ITSN2: variants seen among roughly 807,000 people sequenced by gnomAD.
ITSN2 encodes intersectin-2.
ITSN2 carries 156 observed loss-of-function variants against 243.7 expected under a neutral mutation model. The ratio of observed to expected loss-of-function variants is 0.64; its 90% confidence interval spans 0.56 to 0.73. ITSN2 has a LOEUF of 0.73. Ranked by LOEUF, ITSN2 falls within the 30% of genes least tolerant of loss-of-function variation. ITSN2 has a pLI of 0.00. For synonymous variants in ITSN2, 703 were observed against 699.9 expected (o/e 1.00, Z -0.07); for missense variants, 1,801 against 1,996.1 (o/e 0.90, Z 1.86).
chr2:24,343,045 C>G (rs1020032998), intron 1 of ITSN2, among the ~76,000 whole-genome samples: 1 of 149,926 alleles, frequency 6.7e-6, no homozygotes, highest in Non-Finnish European at 1.5e-5. Context: ...GAGTCAAGAT[C>G]GTGCCACTGT....
chr2:24,328,743 G>A (rs1010870945), intron 1 of ITSN2, among the ~76,000 whole-genome samples: 10 of 152,248 alleles, frequency 6.6e-5, no homozygotes, highest in South Asian at 4.1e-4. Context: ...GATTACAGGC[G>A]TTAGCCACTG....
In ITSN2 at chr2:24,205,259, C is replaced by T; in HGVS notation, c.4717G>A (p.Val1573Met). 6.2e-7 allele frequency: 1 copy of T among 1,614,034 alleles called. No homozygotes were observed. The highest frequency in any genetic ancestry group is 8.5e-7 in the Non-Finnish European group (1 of 1,179,918). ...QKTSGIGRLMVHVIEATELKA... is the reference protein window; with the variant it reads ...QKTSGIGRLMMHVIEATELKA... ...AATTCTGTAGCTTCAATGACATGCACCATCAGGCGCCCAATGCCTGAAGTC... is the reference window on the plus strand; with the variant it reads ...AATTCTGTAGCTTCAATGACATGCATCATCAGGCGCCCAATGCCTGAAGTC... Residue 1573 changes from valine to methionine, a missense_variant, in exon 38 of 40, where the codon GTG becomes ATG. By Grantham distance (21) the Val-to-Met change is conservative. Coordinates refer to ENST00000355123, the MANE Select transcript of ITSN2 (RefSeq NM_006277.3).
chr2:24,259,122 G>A (rs930540419), intron 22 of ITSN2, among the ~76,000 whole-genome samples: 1 of 152,132 alleles, frequency 6.6e-6, no homozygotes, highest in East Asian at 1.9e-4. Flanking sequence ...ACTTAGCATG[G>A]CTGAAACATA....
intron 1 of ITSN2, among the ~76,000 whole-genome samples, chr2:24,335,693 GC>G (rs1234068299): frequency 6.9e-5 from 3 of 43,774 alleles, no homozygotes; most frequent in Non-Finnish European, 2.3e-4. Context: ...AGGCTGGAGT[GC>G]AGTGCGCCAT....
At chr2:24,247,754 T>G (rs1269769067) in intron 27 of ITSN2, among the ~76,000 whole-genome samples, 1 of 152,202 alleles carries the variant, frequency 6.6e-6, no homozygotes, top group Non-Finnish European at 1.5e-5. Context: ...CTCCTAACCC[T>G]TAAAATGGTG....
intron 29 of ITSN2, chr2:24,239,374 G>A (rs1672491799): frequency 1.3e-5 from 2 of 151,916 alleles, no homozygotes; most frequent in Non-Finnish European, 2.9e-5. Flanking sequence ...TTAAATATCA[G>A]TTACATTTTT....
chr2:24,229,517 A>AG (rs1357396228), intron 29 of ITSN2, among the ~76,000 whole-genome samples: 1 of 152,172 alleles, frequency 6.6e-6, no homozygotes, highest in African/African-American at 2.4e-5. Flanking sequence ...TGAACCCAGG[A>AG]GGCAGAGGTT....
Position 24,302,106 on chromosome 2 carries a change from A to C in ITSN2, c.858-4T>G, listed in dbSNP as rs1318406119. The C allele has an allele frequency of 6.3e-7, 1 of 1,593,014 alleles. No homozygotes were observed. Among genetic ancestry groups the C allele is most frequent in the Non-Finnish European group, 8.5e-7 (1 of 1,169,866 alleles). On this transcript the variant is annotated splice_region_variant and splice_polypyrimidine_tract_variant and intron_variant, in intron 9 of 39. Transcript: ENST00000355123. ...ACCATCAACGTCAGCCAGAGTCCTA[A>C]AGAAAATGTTAAAATTCACAACTTA...
At chr2:24,309,390 G>C (rs1362299715) in intron 7 of ITSN2, among the ~76,000 whole-genome samples, 1 of 152,098 alleles carries the variant, frequency 6.6e-6, no homozygotes, top group Non-Finnish European at 1.5e-5. Context: ...GTAGAGACAG[G>C]GTTTCACCAT....
intron 2 of ITSN2, among the ~76,000 whole-genome samples, chr2:24,319,861 C>T (rs1027821712): frequency 6.6e-6 from 1 of 152,178 alleles, no homozygotes; most frequent in Non-Finnish European, 1.5e-5. Flanking sequence ...ACTTGCCTCC[C>T]TCCAAAAACA....
At chr2:24,284,888 ATTTTTTTTTTTT>A (rs138100580) in intron 16 of ITSN2, 45 bp from the exon 17 acceptor site, 16 of 370,674 alleles carry the variant, frequency 4.3e-5, no homozygotes, top group South Asian at 2.6e-4. Flanking sequence ...TACGTACAGA[ATTTTTTTTTTTT>A]TTTTTTTTTT....
At chr2:24,304,525 T>G (rs969288852) in intron 8 of ITSN2, among the ~76,000 whole-genome samples, 2 of 152,162 alleles carry the variant, frequency 1.3e-5, no homozygotes, top group Non-Finnish European at 2.9e-5. Context: ...ATAAATCACA[T>G]AAAAACACTG....
intron 1 of ITSN2, among the ~76,000 whole-genome samples, chr2:24,331,932 C>T (rs1685831818): frequency 6.6e-6 from 1 of 152,172 alleles, no homozygotes; most frequent in Admixed American, 6.6e-5. Context: ...TTTAGAGTGG[C>T]TTTCAAGAAG....
rs781178426 is a variant in ITSN2, at chr2:24,210,035, T to C, written c.4258-2A>G. The C allele has an allele frequency of 6.2e-7, 1 of 1,609,920 alleles. No homozygotes were observed. The highest frequency in any genetic ancestry group is 1.1e-5 in the South Asian group (1 of 90,948). On this transcript the variant is annotated splice_acceptor_variant, in intron 34 of 39. Coordinates refer to ENST00000355123, the MANE Select transcript of ITSN2 (RefSeq NM_006277.3). LOFTEE classifies it high-confidence loss of function. ...GGTGAGAGAGTTGAAAATAAGTTGCTTAAAGAGAAAGAAAATTTCACTTTT... is the reference window on the plus strand; with the variant it reads ...GGTGAGAGAGTTGAAAATAAGTTGCCTAAAGAGAAAGAAAATTTCACTTTT...
At chr2:24,247,087 T>A (rs1573993543) in intron 27 of ITSN2, among the ~76,000 whole-genome samples, 194 bp from the exon 28 acceptor site, 1 of 152,316 alleles carries the variant, frequency 6.6e-6, no homozygotes, top group Non-Finnish European at 1.5e-5. Flanking sequence ...GGTCAGAGTG[T>A]CTTAGTTTAC....
intron 29 of ITSN2, among the ~76,000 whole-genome samples, chr2:24,234,702 T>C (rs1021208978): frequency 3.9e-5 from 6 of 152,124 alleles, no homozygotes; most frequent in Admixed American, 2.6e-4. Flanking sequence ...AGATGCCTCA[T>C]GGAAAAAGAT....
chr2:24,352,688 A>T (rs1688129966), intron 1 of ITSN2, among the ~76,000 whole-genome samples: 2 of 152,218 alleles, frequency 1.3e-5, no homozygotes, highest in Non-Finnish European at 1.5e-5. Flanking sequence ...CAGGAGACAT[A>T]AAAGGACAGG....
At position 24,257,822 on chromosome 2, in the gene ITSN2, C is replaced by A; in HGVS notation, c.2888+66G>T. 3 of 1,197,462 alleles carry A rather than the reference C, an allele frequency of 2.5e-6. No homozygotes were observed. The South Asian group carries it at 3.7e-5, about 15-fold the overall frequency. 74.2% of individuals were successfully genotyped at this position (1,197,462 alleles called of 1,614,324 possible). A position where few individuals can be genotyped will look rare whatever the true frequency, so the allele number is the denominator to read the frequency against. On this transcript the variant is annotated intron_variant, in intron 23 of 39. Transcript: ENST00000355123. ...TTATTTTATTATACACTCAATCAGA[C>A]CATGGCTGACTCATTAGTGAAAATA...
intron 22 of ITSN2, among the ~76,000 whole-genome samples, chr2:24,258,893 T>C (rs1253730734): frequency 6.6e-6 from 1 of 152,170 alleles, no homozygotes; most frequent in Non-Finnish European, 1.5e-5. Context: ...CATCAAGCCT[T>C]GTAGTTCCTG....
Sources: gnomAD v4.1 joint callset for allele counts (sites outside exome capture counted in the v4.1 genomes callset) on GRCh38, gnomAD v4.1.1 for gene constraint, MANE v1.5 for transcripts, NCBI Gene and HGNC (gene_info 2026-07-23, HGNC 2026-07-21) for gene names.